APBA2: variants seen among roughly 807,000 people sequenced by gnomAD.
The protein encoded by APBA2 is amyloid-beta A4 precursor protein-binding family A member 2.
APBA2 carries 30 observed loss-of-function variants against 75.0 expected under a neutral mutation model. The observed-to-expected ratio is 0.40, with a 90% confidence interval of 0.30 to 0.54. The LOEUF (loss-of-function observed/expected upper bound fraction) is 0.54. Among genes scored for constraint, APBA2 ranks in the 20% least tolerant of loss-of-function variants. APBA2 has a pLI of 0.49. For missense variants in APBA2, 801 were observed against 1,016.1 expected (o/e 0.79, Z 2.88); for synonymous variants, 444 against 409.6 (o/e 1.08, Z -1.01).
rs1344404828 is a variant in APBA2 at position 29,046,070 on chromosome 15, A to G, written c.-40-7775A>G. On this transcript the variant is annotated intron_variant, in intron 3 of 14. Coordinates refer to ENST00000683413, the MANE Select transcript of APBA2 (RefSeq NM_001353788.2). The surrounding 1 kb of genome is among the most constrained non-coding windows in gnomAD (Gnocchi z 5.0). ...CCCGGAAAGGTGGGATTTGGCAGCT[A>G]TGTGGGACCTTCCTTCAGGCACTAA... Among the ~76,000 whole-genome samples the G allele has an allele frequency of 6.6e-6, 1 of 152,182 alleles. No homozygotes were observed. Among genetic ancestry groups the G allele is most frequent in the Non-Finnish European group, 1.5e-5 (1 of 68,040 alleles).
intron 2 of APBA2, among the ~76,000 whole-genome samples, chr15:28,966,483 G>T (rs927075470): frequency 1.3e-5 from 2 of 152,058 alleles, no homozygotes; most frequent in Non-Finnish European, 2.9e-5. Context: ...AAGTCTGCCT[G>T]GATATTAATA....
chr15:28,898,920 G>A (rs189446863), intron 1 of APBA2, among the ~76,000 whole-genome samples: 2 of 152,352 alleles, frequency 1.3e-5, no homozygotes, highest in South Asian at 2.1e-4. Flanking sequence ...CGAGTAGGAC[G>A]CTAAGATGTA....
intron 4 of APBA2, among the ~76,000 whole-genome samples, chr15:29,069,368 G>A (rs2042518056): frequency 6.6e-6 from 1 of 152,232 alleles, no homozygotes; most frequent in Admixed American, 6.5e-5. Flanking sequence ...TCTTTTGGGT[G>A]TATCACTAGG....
intron 13 of APBA2, among the ~76,000 whole-genome samples, chr15:29,110,681 A>G (rs1038051543): frequency 3.9e-5 from 6 of 152,344 alleles, no homozygotes; most frequent in Middle Eastern, 3.4e-3. Flanking sequence ...CCCAGGTCAC[A>G]CAGCCATGTG....
chr15:28,945,330 T>C (rs753798060), intron 2 of APBA2, among the ~76,000 whole-genome samples: 4 of 152,154 alleles, frequency 2.6e-5, no homozygotes, highest in Non-Finnish European at 5.9e-5. Flanking sequence ...TGAAATCACA[T>C]TGATTCTCGC....
intron 1 of APBA2, among the ~76,000 whole-genome samples, chr15:28,919,695 C>G (rs2033868916): frequency 1.3e-5 from 2 of 152,160 alleles, no homozygotes; most frequent in Admixed American, 1.3e-4. Flanking sequence ...CTGTCTTGTC[C>G]CAGAAGGGCT....
At position 29,073,028 on chromosome 15, in the gene APBA2, TC is replaced by T. The variant is rs1263321279; in HGVS notation, c.952-1891del. 5.3e-5 allele frequency among the ~76,000 whole-genome samples: 8 copies of T among 152,344 alleles called. No individual in the cohort carries two copies. In the South Asian group the frequency reaches 1.7e-3, roughly 32 times the overall value. On this transcript the variant is annotated intron_variant, in intron 4 of 14. Coordinates refer to ENST00000683413, the MANE Select transcript of APBA2 (RefSeq NM_001353788.2). ...CTCTGAAATCCGGTGGTGTCTGTGA[TC>T]CTGGAGGGGAGGCTTAGCCAGCAAT...
intron 3 of APBA2, among the ~76,000 whole-genome samples, chr15:29,047,227 T>C (rs1207072930): frequency 2.6e-5 from 4 of 152,234 alleles, no homozygotes; most frequent in Non-Finnish European, 5.9e-5. Context: ...CTGTGGAGTC[T>C]TTGAAGACGT....
rs766037264 is a variant in APBA2 at position 29,117,142 on chromosome 15, A to AGAT, written c.*10_*11insATG. 33 of 1,612,496 alleles carry AGAT rather than the reference A, an allele frequency of 2.0e-5. No individual in the cohort carries two copies. Among genetic ancestry groups the AGAT allele is most frequent in the African/African-American group, 2.7e-5 (2 of 74,868 alleles). On this transcript the variant is annotated 3_prime_UTR_variant, in exon 15 of 15. Transcript: ENST00000683413. ...CCCCGCTGTACATCTAGGCCACCCC[A>AGAT]GCCTGGCCACGCAGCCAGGACACCG...
intron 3 of APBA2, among the ~76,000 whole-genome samples, chr15:29,007,365 A>G (rs144885396): frequency 6.6e-6 from 1 of 152,358 alleles, no homozygotes; most frequent in East Asian, 1.9e-4. Flanking sequence ...ACAGGCAGCA[A>G]CAGGAAAAGA....
chr15:29,007,718 A>G (rs1176406721), intron 3 of APBA2, among the ~76,000 whole-genome samples: 1 of 152,152 alleles, frequency 6.6e-6, no homozygotes, highest in Non-Finnish European at 1.5e-5. Context: ...AACAAAACAA[A>G]ACAGAAAATA....
chr15:28,956,251 T>A (rs1566839949), intron 2 of APBA2, among the ~76,000 whole-genome samples: 4 of 152,134 alleles, frequency 2.6e-5, no homozygotes, highest in African/African-American at 9.7e-5. Context: ...GGGGCTGGCA[T>A]ATGCAGTTGT....
In APBA2 at chr15:29,057,798, A is replaced by G. The variant is rs578073947; in HGVS notation, c.951+2963A>G. 7.2e-5 allele frequency among the ~76,000 whole-genome samples: 11 copies of G among 152,322 alleles called. No individual in the cohort carries two copies. The East Asian group carries it at 1.4e-3, about 19-fold the overall frequency. On this transcript the variant is annotated intron_variant, in intron 4 of 14. Coordinates refer to ENST00000683413, the MANE Select transcript of APBA2 (RefSeq NM_001353788.2). ...TCTTAGGTGTAAGGCTGCCACAGAC[A>G]TCTTTGTACAAACCATGTTTTCCTT...
At position 28,935,828 on chromosome 15, in the gene APBA2, C is replaced by T. The variant is rs115813298; in HGVS notation, c.-95+14079C>T. Among the ~76,000 whole-genome samples the T allele has an allele frequency of 5.5e-3, 840 of 152,276 alleles. 11 individuals are homozygous for T. Among genetic ancestry groups the T allele is most frequent in the African/African-American group, 0.019 (793 of 41,542 alleles). On this transcript the variant is annotated intron_variant, in intron 2 of 14. Coordinates refer to ENST00000683413, the MANE Select transcript of APBA2 (RefSeq NM_001353788.2). ...AGAAGAAAAGGCCTAATTTCTGTTT[C>T]GCTAAGTTTTAGACTACTTTAGTTC...
At chr15:28,999,509 G>C (rs73370655) in intron 3 of APBA2, among the ~76,000 whole-genome samples, 17,249 of 152,206 alleles carry the variant, frequency 0.11, 1,360 homozygotes, top group East Asian at 0.27. Flanking sequence ...GAGACCATGA[G>C]ATGTTGGCAA....
chr15:28,922,893 T>C (rs984262756), intron 2 of APBA2, among the ~76,000 whole-genome samples: 8 of 152,292 alleles, frequency 5.3e-5, no homozygotes, highest in African/African-American at 1.9e-4. Flanking sequence ...GAAGCCACGG[T>C]CACTCCCCTA....
chr15:29,106,884 GCTGCAATCCCCACTTCA>G (rs1013995908), intron 12 of APBA2, 65 bp downstream of exon 12: 41 of 1,485,260 alleles, frequency 2.8e-5, no homozygotes, highest in Middle Eastern at 1.7e-4. Context: ...TCCCCACTTT[GCTGCAATCCCCACTTCA>G]CTGCAATCCC....
rs763145159 is a variant in APBA2 at position 29,114,002 on chromosome 15, A to G, written c.2164A>G (p.Asn722Asp). The G allele has an allele frequency of 1.2e-6, 2 of 1,613,722 alleles. No homozygotes were observed. The highest frequency in any genetic ancestry group is 8.5e-7 in the Non-Finnish European group (1 of 1,180,042). The change falls in exon 14 of 15, where the codon AAC becomes GAC. Residue 722 changes from asparagine (N) to aspartate (D), a missense_variant. Asn to Asp is a conservative substitution (Grantham distance 23, BLOSUM62 1). Around this residue, in one of 2 missense-constraint regions of APBA2, gnomAD observed 367 missense variants for 544.5 expected, o/e 0.67. Transcript: ENST00000683413. ...CGAGAAGATAGTCCAAGCTCTGTCCAACTCGGTCGGAGAGGTAAGGAGGGA... is the reference window on the plus strand; with the variant it reads ...CGAGAAGATAGTCCAAGCTCTGTCCGACTCGGTCGGAGAGGTAAGGAGGGA... ...AHEKIVQALS[N>D]SVGEIHMKTM...
At chr15:28,961,254 A>C (rs553526477) in intron 2 of APBA2, 2 of 152,272 alleles carry the variant, frequency 1.3e-5, no homozygotes, top group Admixed American at 6.5e-5. Flanking sequence ...ATGTGGTGCA[A>C]TTCCATGTAT....
Sources: allele counts gnomAD v4.1 joint callset (sites outside exome capture counted in the v4.1 genomes callset), GRCh38; gene constraint gnomAD v4.1.1; regional missense constraint gnomAD v4.1.1; non-coding constraint Gnocchi (gnomAD v3.1); transcripts MANE v1.5; gene names NCBI Gene and HGNC (gene_info 2026-07-23, HGNC 2026-07-21).